The following RPGRIP1L variants were observed in gnomAD, a reference collection of about 807,000 sequenced individuals.
The protein encoded by RPGRIP1L is protein fantom.
In RPGRIP1L, 131 loss-of-function variants were observed where a neutral mutation model predicts 160.4. That is an observed-to-expected ratio of 0.82 (90% confidence interval 0.71 to 0.94). The LOEUF (loss-of-function observed/expected upper bound fraction) is 0.94, where lower values mean the gene tolerates loss of function less well. RPGRIP1L is among the 40% of genes least tolerant of loss of function. RPGRIP1L has a pLI of 0.00. For missense variants in RPGRIP1L, 1,522 were observed against 1,535.8 expected (o/e 0.99, Z 0.15); for synonymous variants, 510 against 515.8 (o/e 0.99, Z 0.15).
At chr16:53,671,486 A>C (rs1280469280) in intron 9 of RPGRIP1L, 24 bp downstream of exon 9, 1 of 1,456,524 alleles carries the variant, frequency 6.9e-7, no homozygotes, top group South Asian at 1.1e-5. Context: ...AGACAATGAA[A>C]GAACACATGG....
intron 10 of RPGRIP1L, among the ~76,000 whole-genome samples, chr16:53,662,479 A>C (rs968426084): frequency 6.6e-6 from 1 of 152,164 alleles, no homozygotes; most frequent in Non-Finnish European, 1.5e-5. Flanking sequence ...TGACTACAAG[A>C]AGCCAGGGAA....
At chr16:53,648,645 C>CACAA (rs1966746243) in intron 16 of RPGRIP1L, among the ~76,000 whole-genome samples, 1 of 151,894 alleles carries the variant, frequency 6.6e-6, no homozygotes, top group Non-Finnish European at 1.5e-5. Flanking sequence ...CACACACACA[C>CACAA]ACACACACAC....
At chr16:53,675,603 T>G (rs1444519691) in intron 6 of RPGRIP1L, among the ~76,000 whole-genome samples, 1 of 152,148 alleles carries the variant, frequency 6.6e-6, no homozygotes, top group Non-Finnish European at 1.5e-5. Flanking sequence ...AGATTACCAT[T>G]TATTGGAGTT....
intron 2 of RPGRIP1L, among the ~76,000 whole-genome samples, chr16:53,697,823 A>C (rs956114708): frequency 3.4e-5 from 5 of 148,662 alleles, no homozygotes; most frequent in African/African-American, 1.3e-4. Flanking sequence ...CTGGCCGCCC[A>C]TCGTCTGGGA....
At chr16:53,665,808 G>A (rs993398057) in intron 9 of RPGRIP1L, among the ~76,000 whole-genome samples, 2 of 152,116 alleles carry the variant, frequency 1.3e-5, no homozygotes, top group Non-Finnish European at 2.9e-5. Flanking sequence ...GTTCCTAAAC[G>A]CTGACCTAAA....
intron 6 of RPGRIP1L, among the ~76,000 whole-genome samples, chr16:53,686,180 G>C (rs958523027): frequency 1.3e-5 from 2 of 152,118 alleles, no homozygotes; most frequent in African/African-American, 4.8e-5. Flanking sequence ...TGGGGTAAAT[G>C]AACATAGAAA....
At chr16:53,650,078 C>G (rs563862039) in intron 15 of RPGRIP1L, among the ~76,000 whole-genome samples, 2 of 152,248 alleles carry the variant, frequency 1.3e-5, no homozygotes, top group South Asian at 4.2e-4. Context: ...TATCTGCCTG[C>G]TATAGTTTGA....
chr16:53,687,754 T>C, intron 5 of RPGRIP1L, 109 bp downstream of exon 5: 2 of 744,832 alleles, frequency 2.7e-6, no homozygotes, highest in South Asian at 1.5e-5. Context: ...CATAGCTGTA[T>C]TTCAGTGGAG....
At chr16:53,658,902 T>C in intron 10 of RPGRIP1L, 24 bp from the exon 11 acceptor site, 2 of 1,427,704 alleles carry the variant, frequency 1.4e-6, no homozygotes, top group South Asian at 1.2e-5. Flanking sequence ...TCCACACAAT[T>C]GGAAAGGTAA....
At chr16:53,627,283 C>T (rs184476653) in intron 22 of RPGRIP1L, among the ~76,000 whole-genome samples, 10 of 152,274 alleles carry the variant, frequency 6.6e-5, no homozygotes, top group Admixed American at 5.2e-4. Flanking sequence ...CAGTCAGTTA[C>T]ATTTAAATCT....
At chr16:53,668,263 C>T (rs1968443249) in intron 9 of RPGRIP1L, among the ~76,000 whole-genome samples, 1 of 152,128 alleles carries the variant, frequency 6.6e-6, no homozygotes, top group Non-Finnish European at 1.5e-5. Flanking sequence ...GGCACAGATG[C>T]TCACTTTACA....
chr16:53,643,654 A>C (rs1966378372), intron 17 of RPGRIP1L, among the ~76,000 whole-genome samples: 1 of 152,242 alleles, frequency 6.6e-6, no homozygotes, highest in Non-Finnish European at 1.5e-5. Flanking sequence ...TGAAACAAAA[A>C]GAAAAAAAGA....
intron 14 of RPGRIP1L, 169 bp from the exon 15 acceptor site, chr16:53,653,156 T>C (rs1642837897): frequency 4.8e-6 from 2 of 418,152 alleles, no homozygotes; most frequent in South Asian, 1.0e-4. Context: ...AAATTTATCA[T>C]TTCTGTTTTG....
intron 22 of RPGRIP1L, among the ~76,000 whole-genome samples, chr16:53,629,988 A>G (rs1340822790): frequency 6.6e-6 from 1 of 152,138 alleles, no homozygotes. Flanking sequence ...ACATAAACCT[A>G]AATGTCATGT....
chr16:53,697,297 TG>T (rs1362830072), intron 2 of RPGRIP1L, among the ~76,000 whole-genome samples: 1 of 151,642 alleles, frequency 6.6e-6, no homozygotes, highest in African/African-American at 2.4e-5. Flanking sequence ...ATTAAACATA[TG>T]AAAAGTTTAT....
At chr16:53,700,047 T>C (rs1250380358) in intron 2 of RPGRIP1L, among the ~76,000 whole-genome samples, 1 of 152,172 alleles carries the variant, frequency 6.6e-6, no homozygotes, top group Non-Finnish European at 1.5e-5. Flanking sequence ...CATGACAGCA[T>C]AGCTGACACA....
intron 2 of RPGRIP1L, among the ~76,000 whole-genome samples, chr16:53,700,351 G>C (rs1278559546): frequency 6.6e-6 from 1 of 152,162 alleles, no homozygotes; most frequent in Non-Finnish European, 1.5e-5. Context: ...TTGGAGGCTT[G>C]ATACTCTCTA....
In RPGRIP1L at chr16:53,686,432, C is replaced by T. The variant is rs771226563; in HGVS notation, c.776+1G>A. The T allele has an allele frequency of 7.4e-6, 12 of 1,612,466 alleles. No individual in the cohort carries two copies. The highest frequency in any genetic ancestry group is 1.6e-4 in the Middle Eastern group (1 of 6,074). On this transcript the variant is annotated splice_donor_variant, in intron 6 of 26. Transcript: ENST00000647211. LOFTEE classifies it high-confidence loss of function. ...AAAGTGATATTTCTGTTTTAACATA[C>T]CTTTGATCTGTAGCTTGCTGTTCTC...
chr16:53,692,382 A>G lies in RPGRIP1L; in HGVS notation c.231-18T>C. The G allele has an allele frequency of 6.2e-7, 1 of 1,609,292 alleles. No homozygotes were observed. Among genetic ancestry groups the G allele is most frequent in the Non-Finnish European group, 8.5e-7 (1 of 1,175,742 alleles). On this transcript the variant is annotated intron_variant, in intron 3 of 26. Transcript: ENST00000647211. The stretch of plus-strand genomic sequence containing the variant: ...TGGCCATTCTGGGGAAATAATAAAA[A>G]GATGAAAAGGAATGTGAGAAGTCAG...
Sources: allele counts gnomAD v4.1 joint callset (sites outside exome capture counted in the v4.1 genomes callset), GRCh38; gene constraint gnomAD v4.1.1; transcripts MANE v1.5; gene names NCBI Gene and HGNC (gene_info 2026-07-23, HGNC 2026-07-21).